Variants in WDR70 observed in about 807,000 individuals in gnomAD.
The protein encoded by WDR70 is WD repeat-containing protein 70.
In WDR70, 53 loss-of-function variants were observed where a neutral mutation model predicts 88.6. The observed-to-expected ratio is 0.60, with a 90% CI of 0.48 to 0.75. The LOEUF is 0.75. Ranked by LOEUF, WDR70 falls within the 30% of genes least tolerant of loss-of-function variation. The probability of loss-of-function intolerance (pLI) is 0.00; values close to 1 mark genes in which losing one functional copy is unlikely to be tolerated. For missense variants in WDR70, 610 were observed against 823.2 expected (o/e 0.74, Z 3.17); for synonymous variants, 280 against 270.0 (o/e 1.04, Z -0.36).
At chr5:37,701,272 C>T in intron 12 of WDR70, 130 bp downstream of exon 12, 2 of 593,992 alleles carry the variant, frequency 3.4e-6, no homozygotes, top group Non-Finnish European at 5.6e-6. Flanking sequence ...TGATCAAAAT[C>T]TGTTTTTTGA....
chr5:37,491,295 G>A (rs1740061926), intron 8 of WDR70, among the ~76,000 whole-genome samples: 1 of 152,160 alleles, frequency 6.6e-6, no homozygotes, highest in Non-Finnish European at 1.5e-5. Flanking sequence ...TGTATTTGAA[G>A]TGTGATTATC....
chr5:37,422,311 A>G (rs1162011133), intron 5 of WDR70, among the ~76,000 whole-genome samples: 1 of 147,616 alleles, frequency 6.8e-6, no homozygotes, highest in Non-Finnish European at 1.5e-5. Context: ...TTTTTTTGAG[A>G]CAGAGTCTCA....
chr5:37,632,517 T>TG (rs1289034991), intron 10 of WDR70, among the ~76,000 whole-genome samples: 3 of 152,152 alleles, frequency 2.0e-5, no homozygotes, highest in African/African-American at 7.2e-5. Flanking sequence ...CCTGACCCTG[T>TG]GTAGGTCTAG....
At chr5:37,740,575 G>A (rs1748444420) in intron 17 of WDR70, among the ~76,000 whole-genome samples, 2 of 152,110 alleles carry the variant, frequency 1.3e-5, no homozygotes, top group African/African-American at 4.8e-5. Context: ...AGGGCAGGAT[G>A]GATTGGAATG....
At chr5:37,523,732 A>G (rs888022584) in intron 9 of WDR70, among the ~76,000 whole-genome samples, 5 of 152,206 alleles carry the variant, frequency 3.3e-5, no homozygotes, top group Non-Finnish European at 7.3e-5. Flanking sequence ...AAAACCTTGA[A>G]AAAAGATTAG....
intron 17 of WDR70, among the ~76,000 whole-genome samples, chr5:37,736,144 A>G (rs1245097302): frequency 2.0e-5 from 3 of 152,096 alleles, no homozygotes; most frequent in African/African-American, 7.3e-5. Flanking sequence ...ATGTAGATCC[A>G]GAAAGCTATT....
intron 10 of WDR70, among the ~76,000 whole-genome samples, chr5:37,668,625 G>A (rs1464352353): frequency 6.6e-6 from 1 of 152,180 alleles, no homozygotes; most frequent in East Asian, 1.9e-4. Flanking sequence ...CAAGTTGCAA[G>A]CACACAGGGA....
At chr5:37,415,649 GC>G (rs903966940) in intron 5 of WDR70, among the ~76,000 whole-genome samples, 1 of 150,214 alleles carries the variant, frequency 6.7e-6, no homozygotes, top group Non-Finnish European at 1.5e-5. Flanking sequence ...GGGGCGGCTG[GC>G]CGGGCGGGGG....
rs1745849980 is a variant in WDR70 at position 37,666,591 on chromosome 5, A to G, written c.1093-31064A>G. On this transcript the variant is annotated intron_variant, in intron 10 of 17. Coordinates refer to ENST00000265107, the MANE Select transcript of WDR70 (RefSeq NM_018034.4). The stretch of plus-strand genomic sequence containing the variant: ...CACCTAACTCTTGCTTTACTTCCCT[A>G]CTTTTCACATTCAGATTCCGTTGGT... Among the ~76,000 whole-genome samples, 6 of 152,180 alleles carry G rather than the reference A, an allele frequency of 3.9e-5. No homozygotes were observed. The South Asian group carries it at 1.2e-3, about 31-fold the overall frequency.
intron 10 of WDR70, among the ~76,000 whole-genome samples, chr5:37,691,114 AAAAGATAC>A (rs1327277869): frequency 6.6e-6 from 1 of 152,220 alleles, no homozygotes; most frequent in Non-Finnish European, 1.5e-5. Flanking sequence ...AGCAAAGATC[AAAAGATAC>A]AAAGCCATTG....
At chr5:37,413,904 G>C (rs963268302) in intron 5 of WDR70, among the ~76,000 whole-genome samples, 2 of 151,910 alleles carry the variant, frequency 1.3e-5, no homozygotes, top group Non-Finnish European at 2.9e-5. Context: ...CCAGCACTTT[G>C]GGATGCCAAG....
intron 5 of WDR70, among the ~76,000 whole-genome samples, chr5:37,431,982 C>A (rs1012388521): frequency 3.3e-5 from 5 of 152,292 alleles, no homozygotes; most frequent in Admixed American, 3.3e-4. Context: ...TTGCTTTTCA[C>A]CTCTTGGTTG....
chr5:37,620,229 ATTCTC>A (rs1744469515), intron 10 of WDR70: 1 of 151,742 alleles, frequency 6.6e-6, no homozygotes, highest in Non-Finnish European at 1.5e-5. Flanking sequence ...AGAAAGAACT[ATTCTC>A]ATTGAGTGGT....
intron 10 of WDR70, among the ~76,000 whole-genome samples, chr5:37,647,354 C>T (rs1457269972): frequency 6.6e-6 from 1 of 152,138 alleles, no homozygotes; most frequent in African/African-American, 2.4e-5. Context: ...TCTCTGTCTC[C>T]AGCATTGTTC....
At chr5:37,485,582 G>A (rs1739836018) in intron 8 of WDR70, among the ~76,000 whole-genome samples, 1 of 152,178 alleles carries the variant, frequency 6.6e-6, no homozygotes, top group African/African-American at 2.4e-5. Context: ...AGAGAAAATA[G>A]ATGCATTAAA....
chr5:37,448,771 C>A (rs1561856464), intron 7 of WDR70, among the ~76,000 whole-genome samples: 1 of 151,836 alleles, frequency 6.6e-6, no homozygotes, highest in African/African-American at 2.4e-5. Flanking sequence ...CTCCAAGATA[C>A]CACATTACCT....
chr5:37,573,490 A>G (rs1742969392), intron 9 of WDR70, among the ~76,000 whole-genome samples: 1 of 150,712 alleles, frequency 6.6e-6, no homozygotes, highest in East Asian at 2.0e-4. Flanking sequence ...TTAAGTCATC[A>G]TTTAACATTA....
At chr5:37,703,924 A>G (rs1392458527) in intron 13 of WDR70, among the ~76,000 whole-genome samples, 1 of 152,188 alleles carries the variant, frequency 6.6e-6, no homozygotes, top group Non-Finnish European at 1.5e-5. Flanking sequence ...AGGTTTTTCC[A>G]GTTGTTTCAG....
intron 8 of WDR70, among the ~76,000 whole-genome samples, chr5:37,495,888 G>C (rs1240936913): frequency 6.6e-6 from 1 of 152,158 alleles, no homozygotes; most frequent in Non-Finnish European, 1.5e-5. Context: ...CCTTTGTCAT[G>C]CTCCTGTCTT....
Sources: allele counts gnomAD v4.1 joint callset (sites outside exome capture counted in the v4.1 genomes callset), GRCh38; gene constraint gnomAD v4.1.1; transcripts MANE v1.5; gene names NCBI Gene and HGNC (gene_info 2026-07-23, HGNC 2026-07-21).